Variants in SMYD3 observed in about 807,000 individuals in gnomAD.
The protein encoded by SMYD3 is histone-lysine N-methyltransferase SMYD3.
SMYD3 carries 36 observed loss-of-function variants against 57.7 expected under a neutral mutation model. The observed-to-expected ratio is 0.62, with a 90% CI of 0.48 to 0.82. The LOEUF (loss-of-function observed/expected upper bound fraction) is 0.82, where lower values mean the gene tolerates loss of function less well. Ranked by LOEUF, SMYD3 falls within the 40% of genes least tolerant of loss-of-function variation. The probability of loss-of-function intolerance (pLI) is 0.00; values close to 1 mark genes in which losing one functional copy is unlikely to be tolerated. For synonymous variants in SMYD3, 211 were observed against 195.0 expected (o/e 1.08, Z -0.68); for missense variants, 515 against 538.8 (o/e 0.96, Z 0.44).
At chr1:245,854,912 C>T (rs148756318) in intron 10 of SMYD3, among the ~76,000 whole-genome samples, 7 of 152,214 alleles carry the variant, frequency 4.6e-5, no homozygotes, top group East Asian at 1.9e-4. Flanking sequence ...TGTTTTCTGG[C>T]GAAGGTTAGG....
chr1:246,194,327 G>GT (rs2062794811), intron 5 of SMYD3, among the ~76,000 whole-genome samples: 1 of 151,184 alleles, frequency 6.6e-6, no homozygotes. Context: ...GAGTGCAGTA[G>GT]TGCGATCTCA....
intron 5 of SMYD3, among the ~76,000 whole-genome samples, chr1:246,211,497 A>T (rs1378988489): frequency 6.6e-6 from 1 of 152,048 alleles, no homozygotes; most frequent in Non-Finnish European, 1.5e-5. Flanking sequence ...CTCCACTGAT[A>T]CCACAATATA....
In SMYD3 at chr1:246,240,873, C is replaced by T. The variant is rs187185450; in HGVS notation, c.531+86328G>A. 1.5e-3 allele frequency among the ~76,000 whole-genome samples: 229 copies of T among 151,908 alleles called. 1 individual carries two copies. The highest frequency in any genetic ancestry group is 2.6e-3 in the Non-Finnish European group (176 of 67,918). The stretch of plus-strand genomic sequence containing the variant: ...AAGCAATTTTGAATGGGAGATCACT[C>T]ATGATTTGGCTCTCTGTTTGTCTGT... On this transcript the variant is annotated intron_variant, in intron 5 of 11. Transcript: ENST00000490107.
intron 10 of SMYD3, among the ~76,000 whole-genome samples, chr1:245,792,351 G>T (rs1344727046): frequency 6.6e-6 from 1 of 152,168 alleles, no homozygotes; most frequent in Non-Finnish European, 1.5e-5. Context: ...CTGCAAAACT[G>T]CTCTGTATCT....
At chr1:246,178,293 G>A (rs75274122) in intron 5 of SMYD3, among the ~76,000 whole-genome samples, 1 of 152,296 alleles carries the variant, frequency 6.6e-6, no homozygotes, top group African/African-American at 2.4e-5. Flanking sequence ...GATGATTCAA[G>A]AGGAAGGTAA....
chr1:246,499,409 C>T (rs1409813458), intron 1 of SMYD3, among the ~76,000 whole-genome samples: 18 of 150,282 alleles, frequency 1.2e-4, no homozygotes, highest in South Asian at 2.1e-4. Flanking sequence ...TATACACACA[C>T]ACACACACAC....
At chr1:245,876,886 G>C (rs1164879994) in intron 8 of SMYD3, among the ~76,000 whole-genome samples, 2 of 152,178 alleles carry the variant, frequency 1.3e-5, no homozygotes, top group Admixed American at 6.5e-5. Context: ...AGGATTTAGG[G>C]AAAATGTCCT....
At chr1:246,248,636 C>CTTT (rs1178698803) in intron 5 of SMYD3, among the ~76,000 whole-genome samples, 69 of 52,076 alleles carry the variant, frequency 1.3e-3, no homozygotes, top group East Asian at 3.6e-3. Flanking sequence ...TCTGACTTTC[C>CTTT]TTTTTTTTTT....
chr1:246,407,840 AAAATAAATAAAT>A (rs34670186), intron 1 of SMYD3, among the ~76,000 whole-genome samples: 1 of 147,100 alleles, frequency 6.8e-6, no homozygotes, highest in African/African-American at 2.5e-5. Context: ...ACTCCGTCTC[AAAATAAATAAAT>A]AAATAAATAA....
intron 5 of SMYD3, among the ~76,000 whole-genome samples, chr1:246,218,519 G>C (rs1446686708): frequency 6.6e-6 from 1 of 152,040 alleles, no homozygotes; most frequent in Non-Finnish European, 1.5e-5. Context: ...TACTCTGGAG[G>C]CTGAGGCAGG....
intron 5 of SMYD3, among the ~76,000 whole-genome samples, chr1:246,046,101 A>T (rs954792605): frequency 4.6e-4 from 70 of 152,312 alleles, no homozygotes; most frequent in Non-Finnish European, 7.5e-4. Context: ...GAAATACCAT[A>T]TGACCCAGCA....
intron 10 of SMYD3, among the ~76,000 whole-genome samples, chr1:245,818,735 G>A (rs1488103908): frequency 6.6e-6 from 1 of 151,838 alleles, no homozygotes; most frequent in Non-Finnish European, 1.5e-5. Context: ...AAAAAGGCAG[G>A]GGTTGCAATC....
chr1:246,254,839 T>C (rs1780812), intron 5 of SMYD3, among the ~76,000 whole-genome samples: 9,009 of 152,234 alleles, frequency 0.059, 432 homozygotes, highest in African/African-American at 0.12. Context: ...TGTAAAAATG[T>C]TTTACTTCCT....
intron 1 of SMYD3, among the ~76,000 whole-genome samples, chr1:246,432,371 T>A (rs936859925): frequency 1.2e-4 from 18 of 152,236 alleles, no homozygotes; most frequent in African/African-American, 4.1e-4. Context: ...AGTTAATCAT[T>A]CCACTTGTTC....
intron 5 of SMYD3, among the ~76,000 whole-genome samples, chr1:246,276,943 C>T (rs577477620): frequency 3.9e-5 from 6 of 152,124 alleles, no homozygotes; most frequent in South Asian, 2.1e-4. Context: ...TTTCACTAGC[C>T]GTATTAACAC....
chr1:246,253,528 A>T (rs569358199), intron 5 of SMYD3, among the ~76,000 whole-genome samples: 3 of 152,308 alleles, frequency 2.0e-5, no homozygotes, highest in Admixed American at 6.5e-5. Context: ...GTTGCTAGGC[A>T]CCTAGGATGA....
At chr1:246,123,629 T>A (rs1173407139) in intron 5 of SMYD3, among the ~76,000 whole-genome samples, 1 of 148,794 alleles carries the variant, frequency 6.7e-6, no homozygotes, top group African/African-American at 2.5e-5. Flanking sequence ...CAAATCATTC[T>A]GCACTGACTT....
At chr1:246,257,785 A>G (rs1453819825) in intron 5 of SMYD3, among the ~76,000 whole-genome samples, 1 of 151,970 alleles carries the variant, frequency 6.6e-6, no homozygotes, top group African/African-American at 2.4e-5. Context: ...TATGGTTTGG[A>G]TCTGTGTCCC....
intron 10 of SMYD3, among the ~76,000 whole-genome samples, chr1:245,798,471 CAT>C (rs1236496963): frequency 1.7e-3 from 47 of 28,368 alleles, no homozygotes; most frequent in Non-Finnish European, 2.7e-3. Context: ...CATACACACA[CAT>C]ACACAACACA....
Sources: gnomAD v4.1 joint callset for allele counts (sites outside exome capture counted in the v4.1 genomes callset) on GRCh38, gnomAD v4.1.1 for gene constraint, MANE v1.5 for transcripts, NCBI Gene and HGNC (gene_info 2026-07-23, HGNC 2026-07-21) for gene names.